WWOX: variants seen among roughly 807,000 people sequenced by gnomAD.
WWOX encodes WW domain containing oxidoreductase.
In WWOX, 69 loss-of-function variants were observed where a neutral mutation model predicts 46.2. That is an observed-to-expected ratio of 1.49 (90% confidence interval 1.23 to 1.82). The LOEUF (loss-of-function observed/expected upper bound fraction) is 1.82. Among genes scored for constraint, WWOX ranks in the 40% most tolerant of loss-of-function variants. The probability of loss-of-function intolerance (pLI) is 0.00; values close to 1 mark genes in which losing one functional copy is unlikely to be tolerated. For missense variants in WWOX, 919 were observed against 542.6 expected (o/e 1.69, Z -6.89); for synonymous variants, 359 against 202.6 (o/e 1.77, Z -6.56).
chr16:78,715,555 C>G (rs1197919897), intron 8 of WWOX, among the ~76,000 whole-genome samples: 3 of 149,214 alleles, frequency 2.0e-5, no homozygotes, highest in Non-Finnish European at 4.4e-5. Context: ...GTGATCTTGA[C>G]TCATTGCAAC....
chr16:78,403,855 T>C (rs2151945397), intron 6 of WWOX, among the ~76,000 whole-genome samples: 2 of 152,324 alleles, frequency 1.3e-5, no homozygotes, highest in East Asian at 1.9e-4. Context: ...TAGCCATGGA[T>C]GTGTTTGAAG....
At chr16:78,532,115 A>G (rs1165681993) in intron 8 of WWOX, among the ~76,000 whole-genome samples, 1 of 150,684 alleles carries the variant, frequency 6.6e-6, no homozygotes, top group Non-Finnish European at 1.5e-5. Flanking sequence ...AAGAGCTGTC[A>G]GATTCTGAAT....
At chr16:78,449,561 G>T (rs978369284) in intron 8 of WWOX, among the ~76,000 whole-genome samples, 2 of 152,070 alleles carry the variant, frequency 1.3e-5, no homozygotes, top group Non-Finnish European at 2.9e-5. Flanking sequence ...CATTTATTAC[G>T]GATAAGTTTG....
Position 78,424,964 on chromosome 16 carries a change from C to A in WWOX, c.700C>A (p.Leu234Met), listed in dbSNP as rs747021033. 1.2e-6 allele frequency: 2 copies of A among 1,614,170 alleles called. No homozygotes were observed. Among genetic ancestry groups the A allele is most frequent in the Non-Finnish European group, 1.7e-6 (2 of 1,180,032 alleles). ...GLETTFQVNHLGHFYLVQLLQ... is the reference protein window; with the variant it reads ...GLETTFQVNHMGHFYLVQLLQ... ...GGAGACCACCTTTCAAGTGAATCAT[C>A]TGGGGCACTTCTACCTTGTCCAGCT... The change falls in exon 7 of 9, where the codon CTG (leucine) becomes ATG (methionine). Residue 234 changes from leucine to methionine, a missense_variant. Physicochemically the swap from Leu to Met is conservative, Grantham distance 15. Transcript: ENST00000566780.
At chr16:78,492,660 G>T (rs536055490) in intron 8 of WWOX, among the ~76,000 whole-genome samples, 3 of 152,252 alleles carry the variant, frequency 2.0e-5, no homozygotes, top group East Asian at 3.9e-4. Context: ...TCGTATATTG[G>T]CTTTGAGAAA....
At chr16:78,475,578 C>G (rs1359219661) in intron 8 of WWOX, among the ~76,000 whole-genome samples, 1 of 152,082 alleles carries the variant, frequency 6.6e-6, no homozygotes, top group Non-Finnish European at 1.5e-5. Flanking sequence ...AGTACTCACT[C>G]TACTTTTTTA....
At chr16:78,635,203 G>A (rs1470149339) in intron 8 of WWOX, among the ~76,000 whole-genome samples, 1 of 152,178 alleles carries the variant, frequency 6.6e-6, no homozygotes, top group African/African-American at 2.4e-5. Flanking sequence ...ATTTGCTGGG[G>A]TCTGGCTCTG....
intron 5 of WWOX, among the ~76,000 whole-genome samples, chr16:78,276,502 C>G (rs551340829): frequency 3.9e-5 from 6 of 152,322 alleles, no homozygotes; most frequent in Admixed American, 2.6e-4. Context: ...GAGCCCTGCG[C>G]GAGCCCCACT....
chr16:78,173,866 A>G (rs1007081064), intron 5 of WWOX, among the ~76,000 whole-genome samples: 2 of 152,136 alleles, frequency 1.3e-5, no homozygotes, highest in Non-Finnish European at 2.9e-5. Flanking sequence ...GAGGGTGCCA[A>G]CCTTGTTGAG....
chr16:78,712,371 G>A (rs939393772), intron 8 of WWOX, among the ~76,000 whole-genome samples: 1 of 152,022 alleles, frequency 6.6e-6, no homozygotes, highest in Admixed American at 6.6e-5. Context: ...GCATAGTGTT[G>A]TGTGCCTGTA....
intron 8 of WWOX, among the ~76,000 whole-genome samples, chr16:78,486,983 G>C (rs1207391272): frequency 6.6e-6 from 1 of 152,178 alleles, no homozygotes; most frequent in Non-Finnish European, 1.5e-5. Context: ...GCTGGGGTGT[G>C]ATGAGCTGCT....
chr16:78,527,296 CTT>C (rs368608216), intron 8 of WWOX, among the ~76,000 whole-genome samples: 4 of 138,616 alleles, frequency 2.9e-5, no homozygotes, highest in Admixed American at 7.3e-5. Flanking sequence ...TTTTTTCTTT[CTT>C]TTTTTTTTTT....
At chr16:78,233,382 T>C (rs1422795059) in intron 5 of WWOX, among the ~76,000 whole-genome samples, 1 of 152,164 alleles carries the variant, frequency 6.6e-6, no homozygotes, top group Non-Finnish European at 1.5e-5. Context: ...TTTATTATTA[T>C]TGTTGACTAT....
chr16:78,979,299 C>A (rs934444462), intron 8 of WWOX, among the ~76,000 whole-genome samples: 1 of 152,152 alleles, frequency 6.6e-6, no homozygotes, highest in Non-Finnish European at 1.5e-5. Context: ...TAGTTCATCT[C>A]CTTCTAACCT....
chr16:78,903,328 A>G (rs1234541555), intron 8 of WWOX, among the ~76,000 whole-genome samples: 1 of 152,220 alleles, frequency 6.6e-6, no homozygotes. Flanking sequence ...TTTGGAAAGC[A>G]ACCAATCAGA....
intron 8 of WWOX, among the ~76,000 whole-genome samples, chr16:79,127,195 T>TAC (rs1030769239): frequency 1.5e-4 from 23 of 152,118 alleles, no homozygotes; most frequent in African/African-American, 2.9e-4. Flanking sequence ...TGTATACATA[T>TAC]ACACACACAC....
chr16:78,410,318 C>A (rs1483543878), intron 6 of WWOX, among the ~76,000 whole-genome samples: 1 of 152,190 alleles, frequency 6.6e-6, no homozygotes, highest in East Asian at 1.9e-4. Flanking sequence ...GCTTAACACA[C>A]AAGGTCTTAC....
At chr16:78,189,809 C>G (rs1293203481) in intron 5 of WWOX, among the ~76,000 whole-genome samples, 1 of 152,106 alleles carries the variant, frequency 6.6e-6, no homozygotes, top group Non-Finnish European at 1.5e-5. Flanking sequence ...CACCTGCCAC[C>G]ACGCTCAGCT....
intron 8 of WWOX, among the ~76,000 whole-genome samples, chr16:78,918,110 G>A (rs1355438063): frequency 3.3e-5 from 5 of 151,980 alleles, no homozygotes; most frequent in South Asian, 2.1e-4. Context: ...GCTGAGGTGG[G>A]AGGATAGGAG....
Sources: allele counts gnomAD v4.1 joint callset (sites outside exome capture counted in the v4.1 genomes callset), GRCh38; gene constraint gnomAD v4.1.1; transcripts MANE v1.5; gene names NCBI Gene and HGNC (gene_info 2026-07-23, HGNC 2026-07-21).